KY: variants seen among roughly 807,000 people sequenced by gnomAD.
KY encodes the protein kyphoscoliosis peptidase.
A neutral mutation model predicts 76.1 loss-of-function variants in KY; 43 were observed. The ratio of observed to expected loss-of-function variants is 0.57; its 90% CI spans 0.44 to 0.73. The LOEUF (loss-of-function observed/expected upper bound fraction) is 0.73, where lower values mean the gene tolerates loss of function less well. Among genes scored for constraint, KY ranks in the 30% least tolerant of loss-of-function variants. KY has a pLI of 0.00. For synonymous variants in KY, 277 were observed against 326.2 expected (o/e 0.85, Z 1.63); for missense variants, 722 against 828.9 (o/e 0.87, Z 1.58).
chr3:134,633,592 A>G (rs138583479), intron 3 of KY, among the ~76,000 whole-genome samples: 1 of 152,262 alleles, frequency 6.6e-6, no homozygotes, highest in East Asian at 1.9e-4. Context: ...TAGGAATAAA[A>G]GGGAACTTTC....
intron 10 of KY, among the ~76,000 whole-genome samples, chr3:134,606,777 G>C (rs1959242186): frequency 6.6e-6 from 1 of 151,838 alleles, no homozygotes; most frequent in African/African-American, 2.4e-5. Context: ...CACCCCTGCA[G>C]ACCTCTATGG....
At chr3:134,615,742 A>G (rs767008032) in intron 8 of KY, among the ~76,000 whole-genome samples, 102 of 152,194 alleles carry the variant, frequency 6.7e-4, no homozygotes, top group Middle Eastern at 3.2e-3. Context: ...AGGTTATCCA[A>G]TGAATCTGCA....
intron 3 of KY, among the ~76,000 whole-genome samples, chr3:134,632,160 A>G (rs1964324907): frequency 6.6e-6 from 1 of 152,104 alleles, no homozygotes; most frequent in Admixed American, 6.5e-5. Context: ...ACAAATCTAC[A>G]ATTATAGTTC....
At position 134,608,655 on chromosome 3, in the gene KY, T is replaced by C; in HGVS notation, c.1084A>G (p.Arg362Gly). The change falls in exon 10 of 11, where the codon AGA becomes GGA. Residue 362 changes from arginine (R) to glycine (G), a missense_variant. This residue lies in a region of KY where 552 missense variants were observed against 680.9 expected (regional missense o/e 0.81). Coordinates refer to ENST00000423778, the MANE Select transcript of KY (RefSeq NM_178554.6). ...GCACCTGCTCCGGGCTCACCTGTTC[T>C]GATCATGGAAGTCTCTGGGTGGGCA... ...LSAHPETSMI[R>G]TVNGKATVTI... 1.9e-6 allele frequency: 3 copies of C among 1,614,032 alleles called. No homozygotes were observed. In the South Asian group the frequency reaches 3.3e-5, roughly 18 times the overall value.
At position 134,601,753 on chromosome 3, in the gene KY, G is replaced by A. The variant is rs553985273; in HGVS notation, c.*1826C>T. Among the ~76,000 whole-genome samples, 89 of 152,370 alleles carry A rather than the reference G, an allele frequency of 5.8e-4. No individual in the cohort carries two copies. The highest frequency in any genetic ancestry group is 3.4e-3 in the Middle Eastern group (1 of 294). The stretch of plus-strand genomic sequence containing the variant: ...GCTCGAGGCCGCCGGCCTGTTGGAT[G>A]ATGGGCACCCTTGTGAGCTGGTTCT... On this transcript the variant is annotated 3_prime_UTR_variant, in exon 11 of 11. Transcript: ENST00000423778.
intron 2 of KY, among the ~76,000 whole-genome samples, chr3:134,643,614 C>T (rs529317647): frequency 6.6e-6 from 1 of 152,336 alleles, no homozygotes; most frequent in South Asian, 2.1e-4. Context: ...TTAGCAGGTG[C>T]CAGCACAGGC....
Position 134,610,380 on chromosome 3 carries a change from G to A in KY, c.714C>T (p.Leu238=), listed in dbSNP as rs757294845. The A allele has an allele frequency of 1.9e-6, 3 of 1,610,596 alleles. No homozygotes were observed. Among genetic ancestry groups the A allele is most frequent in the East Asian group, 2.2e-5 (1 of 44,768 alleles). ...GCACGGTCATACACTGCACTCCGGC[G>A]AGCCTGGGGGCAGGACAGGGGGTCT... is the stretch of plus-strand genomic sequence containing the variant. The part of the protein sequence containing the change: ...YAGLFERMCR[L]AGVQCMTVPG... The change falls in exon 9 of 11, where the codon CTC becomes CTT. Residue 238 remains leucine (L), a synonymous_variant. Coordinates refer to ENST00000423778, the MANE Select transcript of KY (RefSeq NM_178554.6).
At chr3:134,635,287 A>G (rs946081177) in intron 3 of KY, among the ~76,000 whole-genome samples, 1 of 152,126 alleles carries the variant, frequency 6.6e-6, no homozygotes, top group Non-Finnish European at 1.5e-5. Flanking sequence ...ACTTGAGGTC[A>G]GGAGTTTGAG....
chr3:134,603,593 C>T lies in KY; in HGVS notation c.1972G>A (p.Val658Met), dbSNP rs1577563703. ...GGGCACAGCCCTCACTGGGCATTCA[C>T]TTTGTATTTCAGGATGTAGGAGTAG... is the stretch of plus-strand genomic sequence containing the variant. ...NFYSYILKYK[V>M]NAQ The change falls in exon 11 of 11, where the codon GTG (valine) becomes ATG (methionine). Residue 658 changes from valine (V) to methionine (M), a missense_variant. Coordinates refer to ENST00000423778, the MANE Select transcript of KY (RefSeq NM_178554.6). 3.2e-6 allele frequency: 5 copies of T among 1,582,984 alleles called. No homozygotes were observed. The highest frequency in any genetic ancestry group is 4.5e-5 in the East Asian group (2 of 44,460).
At chr3:134,625,663 G>A (rs6794258) in intron 5 of KY, among the ~76,000 whole-genome samples, 96,991 of 152,124 alleles carry the variant, frequency 0.64, 31,593 homozygotes, top group East Asian at 0.88. Context: ...GGGCCATCTG[G>A]GTCCTGCAGG....
At chr3:134,618,056 G>A (rs766103959) in intron 8 of KY, among the ~76,000 whole-genome samples, 18 of 152,136 alleles carry the variant, frequency 1.2e-4, no homozygotes, top group Non-Finnish European at 2.1e-4. Context: ...CTGACCCACC[G>A]TGGCTGCGTC....
chr3:134,650,731 G>A lies in KY; in HGVS notation c.136+94C>T, dbSNP rs990385319. ...AGGGTCGGGTTCGCTGACCTCGTTC[G>A]GGGGAGCAATGGGCGCCCCCCGGCG... On this transcript the variant is annotated intron_variant, in intron 1 of 10. Coordinates refer to ENST00000423778, the MANE Select transcript of KY (RefSeq NM_178554.6). 4.1e-6 allele frequency: 5 copies of A among 1,208,108 alleles called. No homozygotes were observed. In the African/African-American group the frequency reaches 4.7e-5, roughly 11 times the overall value. The allele number at this position is 1,208,108 out of a possible 1,614,324, so 74.8% of individuals were successfully genotyped here.
chr3:134,637,482 C>T (rs773048488), intron 3 of KY, among the ~76,000 whole-genome samples: 3 of 152,208 alleles, frequency 2.0e-5, no homozygotes, highest in Admixed American at 6.5e-5. Context: ...TCTGAGTAGT[C>T]CTGTAGTAAA....
At chr3:134,638,216 C>T (rs1256066415) in intron 3 of KY, among the ~76,000 whole-genome samples, 2 of 152,188 alleles carry the variant, frequency 1.3e-5, no homozygotes, top group Non-Finnish European at 2.9e-5. Flanking sequence ...AAAGCATTCA[C>T]AATATAGCTT....
intron 8 of KY, among the ~76,000 whole-genome samples, chr3:134,618,903 C>A (rs1962070076): frequency 6.6e-6 from 1 of 152,132 alleles, no homozygotes; most frequent in South Asian, 2.1e-4. Context: ...TTTTTATAAC[C>A]AAATTATCTC....
chr3:134,636,579 C>T (rs1965003215), intron 3 of KY, among the ~76,000 whole-genome samples: 1 of 152,210 alleles, frequency 6.6e-6, no homozygotes, highest in African/African-American at 2.4e-5. Flanking sequence ...CAGCTGGTCT[C>T]CAGCCAACCC....
chr3:134,602,681 T>C lies in KY; in HGVS notation c.*898A>G, dbSNP rs4519744. On this transcript the variant is annotated 3_prime_UTR_variant, in exon 11 of 11. Transcript: ENST00000423778. ...AGCCTCTGGAGGCTCTCTGTGGAGG[T>C]GGGGCAGGGGCCTGAGGCCCAGGCT... Among the ~76,000 whole-genome samples, 95,867 of 152,014 alleles carry C rather than the reference T, an allele frequency of 0.63. 30,724 individuals are homozygous for C. The highest frequency in any genetic ancestry group is 0.87 in the East Asian group (4,464 of 5,132).
In KY at chr3:134,610,397, AG is replaced by A; in HGVS notation, c.711-15del. ...ACTCCGGCGAGCCTGGGGGCAGGACAGGGGGTCTGAGAGGGGGATCCCGCTG... is the reference window on the plus strand; with the variant it reads ...ACTCCGGCGAGCCTGGGGGCAGGACAGGGGTCTGAGAGGGGGATCCCGCTG... On this transcript the variant is annotated splice_polypyrimidine_tract_variant and intron_variant, in intron 8 of 10. Transcript: ENST00000423778. 1.2e-6 allele frequency: 2 copies of A among 1,603,262 alleles called. No individual in the cohort carries two copies. The highest frequency in any genetic ancestry group is 1.1e-5 in the South Asian group (1 of 90,366).
At position 134,602,234 on chromosome 3, in the gene KY, G is replaced by C. The variant is rs1030604974; in HGVS notation, c.*1345C>G. On this transcript the variant is annotated 3_prime_UTR_variant, in exon 11 of 11. Transcript: ENST00000423778. ...GGATGGTTCTGCAGTGGCCATGTGG[G>C]GCCTCTCTCGCCTTTCCCTCTTATC... 6.6e-6 allele frequency among the ~76,000 whole-genome samples: 1 copy of C among 152,124 alleles called. No homozygotes were observed. Among genetic ancestry groups the C allele is most frequent in the South Asian group, 2.1e-4 (1 of 4,834 alleles).
Sources: gnomAD v4.1 joint callset for allele counts (sites outside exome capture counted in the v4.1 genomes callset) on GRCh38, gnomAD v4.1.1 for gene constraint, gnomAD v4.1.1 regional missense constraint, MANE v1.5 for transcripts, NCBI Gene and HGNC (gene_info 2026-07-23, HGNC 2026-07-21) for gene names.